Variants in TEX15 observed in about 807,000 individuals in gnomAD.
The protein encoded by TEX15 is testis expressed 15, meiosis and synapsis associated.
Under a neutral mutation model 237.3 loss-of-function variants are expected in TEX15, and 171 were observed. The ratio of observed to expected loss-of-function variants is 0.72; its 90% confidence interval spans 0.64 to 0.82. The LOEUF is 0.82. Among genes scored for constraint, TEX15 ranks in the 40% least tolerant of loss-of-function variants. The probability of loss-of-function intolerance (pLI) is 0.00; values close to 1 mark genes in which losing one functional copy is unlikely to be tolerated. For missense variants in TEX15, 3,750 were observed against 3,646.5 expected, an observed-to-expected ratio of 1.03 and a Z score of -0.73; for synonymous variants, 1,338 against 1,269.8, an observed-to-expected ratio of 1.05 and a Z score of -1.14.
intron 2 of TEX15, among the ~76,000 whole-genome samples, chr8:30,897,227 G>T (rs1015967460): frequency 1.3e-5 from 2 of 152,112 alleles, no homozygotes; most frequent in Admixed American, 1.3e-4. Flanking sequence ...GTTTTGGTAA[G>T]GTTTAAAGTT....
chr8:30,859,849 G>C, intron 6 of TEX15, 62 bp downstream of exon 6: 2 of 1,231,784 alleles, frequency 1.6e-6, no homozygotes, highest in Middle Eastern at 2.4e-4. Flanking sequence ...GGGAATTTAA[G>C]TCTTAAAACA....
chr8:30,895,232 T>C (rs985140401), intron 2 of TEX15, among the ~76,000 whole-genome samples: 16 of 140,418 alleles, frequency 1.1e-4, no homozygotes, highest in African/African-American at 4.4e-4. Flanking sequence ...ACAAAATGAC[T>C]GTCAACAGTG....
At chr8:30,834,447 C>T (rs569516250) in intron 10 of TEX15, among the ~76,000 whole-genome samples, 3 of 151,884 alleles carry the variant, frequency 2.0e-5, no homozygotes, top group Non-Finnish European at 4.4e-5. Flanking sequence ...GCTGGGATTA[C>T]AGGCATGAGC....
chr8:30,840,451 C>T (rs953619487), intron 8 of TEX15, among the ~76,000 whole-genome samples: 1 of 152,200 alleles, frequency 6.6e-6, no homozygotes, highest in Non-Finnish European at 1.5e-5. Flanking sequence ...CTGCCTCAGC[C>T]TCCCAAAGTG....
chr8:30,847,903 T>C lies in TEX15; in HGVS notation c.2264A>G (p.Gln755Arg). 1 of 1,613,930 alleles carries C rather than the reference T, an allele frequency of 6.2e-7. No individual in the cohort carries two copies. The highest frequency in any genetic ancestry group is 8.5e-7 in the Non-Finnish European group (1 of 1,179,932). ...LMELKLGKIN[Q>R]NYASIITEAF... ...TTCAGTTATAATGCTAGCATAATTT[T>C]GATTTATTTTCCCCAATTTCAGTTC... Residue 755 changes from glutamine (Q) to arginine (R), a missense_variant, in exon 8 of 11, where the codon CAA becomes CGA. Physicochemically the swap from Gln to Arg is conservative, Grantham distance 43. Coordinates refer to ENST00000643185, the MANE Select transcript of TEX15 (RefSeq NM_001350162.2).
rs142315341 is a variant in TEX15 at position 30,842,498 on chromosome 8, T to C, written c.7669A>G (p.Lys2557Glu). ...TATGTGGAAATAAAATACTTGGACT[T>C]CTTCAGAAGCTTTTTTATTTCTGAA... ...ELSEIKKLLK[K>E]SKYFISTYID... Residue 2557 changes from lysine to glutamate, a missense_variant, in exon 8 of 11, where the codon AAG (lysine) becomes GAG (glutamate). Lys to Glu is a moderately conservative substitution (Grantham distance 56). Transcript: ENST00000643185. The C allele has an allele frequency of 7.4e-4, 1,187 of 1,612,562 alleles. 10 individuals carry two copies. In the Admixed American group the frequency reaches 0.014, roughly 19 times the overall value.
At chr8:30,908,161 T>C (rs1809147482) in intron 1 of TEX15, among the ~76,000 whole-genome samples, 1 of 152,176 alleles carries the variant, frequency 6.6e-6, no homozygotes. Flanking sequence ...TGAGTCCCAG[T>C]GATCCTCCCA....
In TEX15 at chr8:30,836,977, C is replaced by T. The variant is rs767703888; in HGVS notation, c.9307G>A (p.Glu3103Lys). Residue 3103 changes from glutamate (E) to lysine (K), a missense_variant, in exon 10 of 11, where the codon GAG becomes AAG. Transcript: ENST00000643185. Reference protein sequence around the residue: ...YSQYFTYFAGEPQANGFVPVN... With the variant: ...YSQYFTYFAGKPQANGFVPVN... ...GGCACAAAGCCATTTGCTTGTGGCTCCCCCGCAAAATAAGTAAAATATTGA... is the reference window on the plus strand; with the variant it reads ...GGCACAAAGCCATTTGCTTGTGGCTTCCCCGCAAAATAAGTAAAATATTGA... 5.6e-6 allele frequency: 9 copies of T among 1,613,938 alleles called. No homozygotes were observed. The South Asian group carries it at 7.7e-5, about 14-fold the overall frequency.
At chr8:30,873,612 G>C (rs564063352) in intron 4 of TEX15, among the ~76,000 whole-genome samples, 35 of 152,170 alleles carry the variant, frequency 2.3e-4, no homozygotes, top group African/African-American at 8.4e-4. Context: ...TTACCTACAA[G>C]TACCCCTTTC....
At chr8:30,870,781 T>C (rs1396079307) in intron 4 of TEX15, among the ~76,000 whole-genome samples, 1 of 152,114 alleles carries the variant, frequency 6.6e-6, no homozygotes, top group Admixed American at 6.6e-5. Flanking sequence ...CCTTTGCTGT[T>C]ATAACAAATT....
In TEX15 at chr8:30,847,890, G is replaced by C; in HGVS notation, c.2277C>G (p.Ser759Arg). 1 of 1,613,824 alleles carries C rather than the reference G, an allele frequency of 6.2e-7. No individual in the cohort carries two copies. Among genetic ancestry groups the C allele is most frequent in the Non-Finnish European group, 8.5e-7 (1 of 1,179,904 alleles). The part of the protein sequence containing the change: ...KLGKINQNYA[S>R]IITEAFPKPK... ...GTTTCGGGAAAGCTTCAGTTATAAT[G>C]CTAGCATAATTTTGATTTATTTTCC... Residue 759 changes from serine to arginine, a missense_variant, in exon 8 of 11, where the codon AGC (serine) becomes AGG (arginine). Coordinates refer to ENST00000643185, the MANE Select transcript of TEX15 (RefSeq NM_001350162.2).
At chr8:30,838,183 T>C (rs1807355664) in intron 9 of TEX15, 122 bp from the exon 10 acceptor site, 1 of 874,284 alleles carries the variant, frequency 1.1e-6, no homozygotes, top group South Asian at 2.1e-5. Flanking sequence ...CGTTTTCCCA[T>C]TCTATTGGCA....
At chr8:30,887,901 T>TC (rs1808694325) in intron 2 of TEX15, 2 of 59,750 alleles carry the variant, frequency 3.3e-5, no homozygotes, top group Non-Finnish European at 5.6e-5. Context: ...TATATATATA[T>TC]ATATATATAT....
intron 8 of TEX15, among the ~76,000 whole-genome samples, chr8:30,840,537 C>T (rs1807426950): frequency 1.3e-5 from 2 of 152,292 alleles, no homozygotes; most frequent in African/African-American, 4.8e-5. Flanking sequence ...TATTCCCTCC[C>T]TCTTTTATGT....
chr8:30,846,332 A>G lies in TEX15; in HGVS notation c.3835T>C (p.Phe1279Leu). 1 of 1,612,856 alleles carries G rather than the reference A, an allele frequency of 6.2e-7. No individual in the cohort carries two copies. The highest frequency in any genetic ancestry group is 1.1e-5 in the South Asian group (1 of 90,934). Reference protein sequence around the residue: ...TTIDDGSRCFFTKSKTDYNDT... With the variant: ...TTIDDGSRCFLTKSKTDYNDT... Reference sequence around the variant, plus strand: ...TTATAGTCAGTTTTTGATTTTGTAAAGAAACATCTGCTTCCATCATCTATT... The same window carrying G: ...TTATAGTCAGTTTTTGATTTTGTAAGGAAACATCTGCTTCCATCATCTATT... The change falls in exon 8 of 11, where the codon TTT (phenylalanine) becomes CTT (leucine). Residue 1279 changes from phenylalanine to leucine, a missense_variant. Transcript: ENST00000643185.
intron 1 of TEX15, among the ~76,000 whole-genome samples, chr8:30,907,886 C>T (rs367768423): frequency 1.3e-5 from 2 of 151,306 alleles, no homozygotes; most frequent in South Asian, 4.2e-4. Context: ...TGCAGGAAAC[C>T]GTGATCACAT....
intron 1 of TEX15, among the ~76,000 whole-genome samples, chr8:30,908,783 G>T (rs1809160278): frequency 6.6e-6 from 1 of 152,126 alleles, no homozygotes; most frequent in African/African-American, 2.4e-5. Flanking sequence ...ATGCTTTAAA[G>T]AATCTGATGA....
chr8:30,874,064 G>T (rs323377), intron 4 of TEX15, among the ~76,000 whole-genome samples: 3,306 of 152,250 alleles, frequency 0.022, 115 homozygotes, highest in African/African-American at 0.075. Context: ...GGAAGTCATT[G>T]GATATACCCA....
Position 30,837,889 on chromosome 8 carries a change from T to A in TEX15, c.8395A>T (p.Ile2799Leu). Residue 2799 changes from isoleucine (I) to leucine (L), a missense_variant, in exon 10 of 11, where the codon ATA (isoleucine) becomes TTA (leucine). Coordinates refer to ENST00000643185, the MANE Select transcript of TEX15 (RefSeq NM_001350162.2). ...TGATCAGATGAAACAGTTAAGTCTA[T>A]TTTGCTTTCCGACTTTGATGCGCAA... The part of the protein sequence containing the change: ...DTCASKSESK[I>L]DLTVSSDHFS... The A allele has an allele frequency of 1.2e-6, 2 of 1,614,216 alleles. No individual in the cohort carries two copies. Among genetic ancestry groups the A allele is most frequent in the Non-Finnish European group, 1.7e-6 (2 of 1,180,030 alleles).
Sources: allele counts gnomAD v4.1 joint callset (sites outside exome capture counted in the v4.1 genomes callset), GRCh38; gene constraint gnomAD v4.1.1; transcripts MANE v1.5; gene names NCBI Gene and HGNC (gene_info 2026-07-23, HGNC 2026-07-21).